Variants in PRICKLE4 observed in about 807,000 individuals in gnomAD.
The protein encoded by PRICKLE4 is prickle-like protein 4.
In PRICKLE4, 40 loss-of-function variants were observed where a neutral mutation model predicts 43.5. That is an observed-to-expected ratio of 0.92 (90% CI 0.71 to 1.20). PRICKLE4 has a LOEUF of 1.20. PRICKLE4 is among the 50% of genes most tolerant of loss of function. The pLI is 0.00. For missense variants in PRICKLE4, 527 were observed against 491.2 expected, an observed-to-expected ratio of 1.07 and a Z score of -0.69; for synonymous variants, 208 against 197.4, an observed-to-expected ratio of 1.05 and a Z score of -0.45.
intron 2 of PRICKLE4, 91 bp from the exon 3 acceptor site, chr6:41,783,371 C>CGCCG: frequency 7.7e-7 from 1 of 1,294,912 alleles, no homozygotes; most frequent in South Asian, 1.8e-5. Flanking sequence ...GTTGGGAGGA[C>CGCCG]TGAGGGAAAT....
intron 2 of PRICKLE4, among the ~76,000 whole-genome samples, chr6:41,783,156 C>T (rs1294177752): frequency 6.6e-6 from 1 of 152,160 alleles, no homozygotes; most frequent in Non-Finnish European, 1.5e-5. Context: ...GTGCCCTCTC[C>T]TTCTACCATG....
At position 41,783,058 on chromosome 6, in the gene PRICKLE4, T is replaced by G. The variant is rs1291604605; in HGVS notation, c.-12-404T>G. ...GGAAGTTGTGAACAAGGAGGCTCAC[T>G]GGGGCTGTGGGTGCATGGTGAGAAA... On this transcript the variant is annotated intron_variant, in intron 2 of 7. Coordinates refer to ENST00000458694, the MANE Select transcript of PRICKLE4 (RefSeq NM_013397.6). 5.3e-5 allele frequency among the ~76,000 whole-genome samples: 8 copies of G among 152,240 alleles called. No homozygotes were observed. The East Asian group carries it at 1.4e-3, about 26-fold the overall frequency.
At position 41,783,570 on chromosome 6, in the gene PRICKLE4, C is replaced by A; in HGVS notation, c.97C>A (p.Leu33Met). The A allele has an allele frequency of 6.2e-7, 1 of 1,613,836 alleles. No individual in the cohort carries two copies. The highest frequency in any genetic ancestry group is 8.5e-7 in the Non-Finnish European group (1 of 1,179,922). Residue 33 changes from leucine to methionine, a missense_variant, in exon 3 of 8, where the codon CTG becomes ATG. By Grantham distance (15) the Leu-to-Met change is conservative. Coordinates refer to ENST00000458694, the MANE Select transcript of PRICKLE4 (RefSeq NM_013397.6). ...PANSDSDSGH[L>M]PGEDPEDTHA... ...CAACTCAGACAGTGACTCAGGCCAC[C>A]TGCCGGGGGAGGACCCTGAGGATAC...
At chr6:41,783,948 C>G in intron 3 of PRICKLE4, 183 bp from the exon 4 acceptor site, 1 of 674,188 alleles carries the variant, frequency 1.5e-6, no homozygotes, top group Non-Finnish European at 2.7e-6. Flanking sequence ...GAAGACCACA[C>G]ATGCAGGCAT....
intron 3 of PRICKLE4, 138 bp downstream of exon 3, chr6:41,783,743 T>C: frequency 8.5e-7 from 1 of 1,178,200 alleles, no homozygotes; most frequent in South Asian, 1.3e-5. Flanking sequence ...GGAATTCCTG[T>C]CTCTGCACCT....
chr6:41,783,597 C>T lies in PRICKLE4; in HGVS notation c.124C>T (p.His42Tyr), dbSNP rs1461990760. The T allele has an allele frequency of 6.2e-7, 1 of 1,613,246 alleles. No individual in the cohort carries two copies. The highest frequency in any genetic ancestry group is 1.3e-5 in the African/African-American group (1 of 74,870). Reference sequence around the variant, plus strand: ...GCCGGGGGAGGACCCTGAGGATACCCATGCTCAGGTAGTAGAGTCGTGCCC... The same window carrying T: ...GCCGGGGGAGGACCCTGAGGATACCTATGCTCAGGTAGTAGAGTCGTGCCC... Reference protein sequence around the residue: ...HLPGEDPEDTHAQGPAVLSLG... With the variant: ...HLPGEDPEDTYAQGPAVLSLG... The change falls in exon 3 of 8, where the codon CAT (histidine) becomes TAT (tyrosine). Residue 42 changes from histidine (H) to tyrosine (Y), a missense_variant. Coordinates refer to ENST00000458694, the MANE Select transcript of PRICKLE4 (RefSeq NM_013397.6).
At position 41,782,383 on chromosome 6, in the gene PRICKLE4, C is replaced by CTTT. The variant is rs1444866176; in HGVS notation, c.-13+865_-13+866insTTT. ...CACTGTGCCCAGCCAATGGTCACTT[C>CTTT]TTCTTTTTTTTTTTTTTTTTTTTTG... On this transcript the variant is annotated intron_variant, in intron 2 of 7. Transcript: ENST00000458694. 2.7e-3 allele frequency among the ~76,000 whole-genome samples: 187 copies of CTTT among 70,380 alleles called. 9 individuals carry two copies. Among genetic ancestry groups the CTTT allele is most frequent in the East Asian group, 4.1e-3 (8 of 1,974 alleles). 46.2% of individuals were successfully genotyped at this position (70,380 alleles called of 152,430 possible).
chr6:41,786,246 GC>G lies in PRICKLE4; in HGVS notation c.705del (p.Cys236AlafsTer43). The G allele has an allele frequency of 6.2e-7, 1 of 1,601,502 alleles. No individual in the cohort carries two copies. The highest frequency in any genetic ancestry group is 8.5e-7 in the Non-Finnish European group (1 of 1,170,696). ...GGACGTTATGCCCTGCCTGGGGGAA[GC>G]CCCTGCTGCCCCAGCTGCTTCGAGA... ...GGGRYALPGGSPCCPSCFENR... is the reference protein window; with the variant it reads ...GGGRYALPGGXPCCPSCFENR... On this transcript the variant is annotated frameshift_variant, in exon 7 of 8. Transcript: ENST00000458694. LOFTEE classifies it high-confidence loss of function.
rs573279606 is a variant in PRICKLE4 at position 41,785,238 on chromosome 6, G to A, written c.379-99G>A. ...GTTGCAGTGGATGTGGGCTTGCTAG[G>A]GTATGGCGAGAACAGGTTGGGATCG... On this transcript the variant is annotated intron_variant, in intron 5 of 7. Transcript: ENST00000458694. The A allele has an allele frequency of 1.3e-5, 20 of 1,509,370 alleles. No homozygotes were observed. The East Asian group carries it at 4.1e-4, about 31-fold the overall frequency. 93.5% of individuals were successfully genotyped at this position (1,509,370 alleles called of 1,614,324 possible). A position where few individuals can be genotyped will look rare whatever the true frequency, so the allele number is the denominator to read the frequency against.
Position 41,786,298 on chromosome 6 carries a change from C to G in PRICKLE4, c.753C>G (p.Ser251Arg), listed in dbSNP as rs1316194506. Residue 251 changes from serine to arginine, a missense_variant, in exon 7 of 8, where the codon AGC becomes AGG. Coordinates refer to ENST00000458694, the MANE Select transcript of PRICKLE4 (RefSeq NM_013397.6). Reference protein sequence around the residue: ...FENRYSDAGSSWAGALEGQAF... With the variant: ...FENRYSDAGSRWAGALEGQAF... ...ACCGCTACTCGGATGCAGGCTCGAG[C>G]TGGGCCGGGGCACTGGAAGGGCAGG... 6 of 1,581,140 alleles carry G rather than the reference C, an allele frequency of 3.8e-6. No individual in the cohort carries two copies. Among genetic ancestry groups the G allele is most frequent in the Non-Finnish European group, 5.2e-6 (6 of 1,159,594 alleles).
At chr6:41,785,166 T>A in intron 5 of PRICKLE4, 94 bp downstream of exon 5, 1 of 1,578,698 alleles carries the variant, frequency 6.3e-7, no homozygotes, top group South Asian at 1.2e-5. Flanking sequence ...GGATTCTGGT[T>A]GGGAAACAGG....
intron 5 of PRICKLE4, 45 bp downstream of exon 5, chr6:41,785,117 G>C: frequency 6.2e-7 from 1 of 1,606,070 alleles, no homozygotes; most frequent in Non-Finnish European, 8.5e-7. Flanking sequence ...TCTATTCTTT[G>C]CCCTCTCATT....
intron 6 of PRICKLE4, among the ~76,000 whole-genome samples, 196 bp from the exon 7 acceptor site, chr6:41,785,932 G>T (rs4318867): frequency 0.56 from 85,729 of 152,072 alleles, 24,522 homozygotes; most frequent in Admixed American, 0.64. Flanking sequence ...AGGTCGCACT[G>T]GGGATTGTCC....
chr6:41,784,329 G>A, intron 4 of PRICKLE4, 91 bp downstream of exon 4: 1 of 1,082,764 alleles, frequency 9.2e-7, no homozygotes, highest in Middle Eastern at 2.1e-4. Context: ...AGAAGTTAGG[G>A]GATGTGGATT....
chr6:41,785,031 C>A lies in PRICKLE4; in HGVS notation c.337C>A (p.Arg113Ser). ...GGAAGCCCTGGGACAGGGGGTAGCC[C>A]GCCTGGTACTTCCCAAGCTTGAAGG... ...KQEALGQGVA[R>S]LVLPKLEGHT... Residue 113 changes from arginine to serine, a missense_variant, in exon 5 of 8, where the codon CGC (arginine) becomes AGC (serine). Physicochemically the swap from Arg to Ser is moderately radical, Grantham distance 110 (BLOSUM62 -1). Transcript: ENST00000458694. 6.2e-7 allele frequency: 1 copy of A among 1,613,210 alleles called. No homozygotes were observed. The highest frequency in any genetic ancestry group is 1.1e-5 in the South Asian group (1 of 90,932).
Position 41,787,025 on chromosome 6 carries a change from G to T in PRICKLE4, c.1051G>T (p.Glu351Ter). Residue 351 changes from glutamate to a stop codon, truncating the protein, a stop_gained, in exon 8 of 8, where the codon GAA (glutamate) becomes TAA (stop). Coordinates refer to ENST00000458694, the MANE Select transcript of PRICKLE4 (RefSeq NM_013397.6). LOFTEE classifies it high-confidence loss of function. Reference protein sequence around the residue: ...TCSSSSDSEPEGFFLGERLPQ... With the variant: ...TCSSSSDSEP ...CTCCTCCTCCTCTGACTCGGAACCT[G>T]AAGGATTTTTCTTAGGCGAGCGCCT... is the stretch of plus-strand genomic sequence containing the variant. The T allele has an allele frequency of 6.2e-7, 1 of 1,614,056 alleles. No individual in the cohort carries two copies. Among genetic ancestry groups the T allele is most frequent in the Non-Finnish European group, 8.5e-7 (1 of 1,180,034 alleles).
At position 41,785,520 on chromosome 6, in the gene PRICKLE4, C is replaced by T. The variant is rs1772627969; in HGVS notation, c.562C>T (p.Arg188Cys). 2.5e-6 allele frequency: 4 copies of T among 1,613,280 alleles called. No individual in the cohort carries two copies. The highest frequency in any genetic ancestry group is 1.1e-5 in the South Asian group (1 of 91,084). ...TCATCATGCAGAGTTGCTGCGCCCGCGCTGCCCGGCTTGTGACCAGGTACA... is the reference window on the plus strand; with the variant it reads ...TCATCATGCAGAGTTGCTGCGCCCGTGCTGCCCGGCTTGTGACCAGGTACA... ...GRHHAELLRP[R>C]CPACDQLIFS... is the part of the protein sequence containing the mutation. The change falls in exon 6 of 8, where the codon CGC becomes TGC. Residue 188 changes from arginine to cysteine, a missense_variant. By Grantham distance (180) the Arg-to-Cys change is radical. Transcript: ENST00000458694.
intron 5 of PRICKLE4, 98 bp from the exon 6 acceptor site, chr6:41,785,239 G>A: frequency 2.6e-6 from 4 of 1,511,392 alleles, no homozygotes; most frequent in East Asian, 2.3e-5. Flanking sequence ...GCTTGCTAGG[G>A]TATGGCGAGA....
rs1471650273 is a variant in PRICKLE4 at position 41,785,476 on chromosome 6, G to T, written c.518G>T (p.Gly173Val). Residue 173 changes from glycine (G) to valine (V), a missense_variant, in exon 6 of 8, where the codon GGA becomes GTA. Physicochemically the swap from Gly to Val is moderately radical, Grantham distance 109. Transcript: ENST00000458694. ...AACCTCATCTACTTCTACCATGATG[G>T]ACAACTCTACTGCGGCCGTCATCAT... ...LINLIYFYHD[G>V]QLYCGRHHAE... 1.2e-6 allele frequency: 2 copies of T among 1,614,060 alleles called. No individual in the cohort carries two copies. Among genetic ancestry groups the T allele is most frequent in the Admixed American group, 1.7e-5 (1 of 60,034 alleles).
Sources: gnomAD v4.1 joint callset for allele counts (sites outside exome capture counted in the v4.1 genomes callset) on GRCh38, gnomAD v4.1.1 for gene constraint, MANE v1.5 for transcripts, NCBI Gene and HGNC (gene_info 2026-07-23, HGNC 2026-07-21) for gene names.